Variants in MMEL1 observed in about 807,000 individuals in gnomAD.
The protein encoded by MMEL1 is membrane metalloendopeptidase like 1.
MMEL1 carries 98 observed loss-of-function variants against 117.1 expected under a neutral mutation model. The observed-to-expected ratio is 0.84, with a 90% CI of 0.71 to 0.99. The LOEUF (loss-of-function observed/expected upper bound fraction) is 0.99. Ranked by LOEUF, MMEL1 falls within the 50% of genes least tolerant of loss-of-function variation. The pLI, the probability that MMEL1 is intolerant of heterozygous loss-of-function variation, is 0.00. For synonymous variants in MMEL1, 390 were observed against 415.1 expected, an observed-to-expected ratio of 0.94 and a Z score of 0.74; for missense variants, 1,014 against 1,049.1, an observed-to-expected ratio of 0.97 and a Z score of 0.46.
chr1:2,618,478 T>G (rs1474154275), intron 2 of MMEL1, among the ~76,000 whole-genome samples: 1 of 152,230 alleles, frequency 6.6e-6, no homozygotes, highest in Non-Finnish European at 1.5e-5. Flanking sequence ...GTAAATAATT[T>G]ACATTTTTTT....
Position 2,609,384 on chromosome 1 carries a change from C to G in MMEL1, c.490G>C (p.Ala164Pro). Residue 164 changes from alanine (A) to proline (P), a missense_variant, in exon 6 of 24, where the codon GCT (alanine) becomes CCT (proline). By Grantham distance (27) the Ala-to-Pro change is conservative. Coordinates refer to ENST00000378412, the MANE Select transcript of MMEL1 (RefSeq NM_033467.4). ...LENSTAKDRPAVEKARTLYRS... is the reference protein window; with the variant it reads ...LENSTAKDRPPVEKARTLYRS... ...TACAGCGTCCTGGCCTTCTCCACAG[C>G]CGGCCGGTCCTTGGCAGTCGAATTC... 6.2e-7 allele frequency: 1 copy of G among 1,612,188 alleles called. No homozygotes were observed. Among genetic ancestry groups the G allele is most frequent in the Non-Finnish European group, 8.5e-7 (1 of 1,179,522 alleles).
intron 21 of MMEL1, 143 bp from the exon 22 acceptor site, chr1:2,592,170 C>T (rs922968552): frequency 9.0e-5 from 60 of 663,672 alleles, no homozygotes; most frequent in Middle Eastern, 4.1e-4. Context: ...ACACACCCCA[C>T]GGATGAGCGC....
chr1:2,591,652 C>T lies in MMEL1; in HGVS notation c.2164-19G>A, dbSNP rs749120662. 25 of 1,154,826 alleles carry T rather than the reference C, an allele frequency of 2.2e-5. No individual in the cohort carries two copies. The highest frequency in any genetic ancestry group is 6.4e-5 in the Admixed American group (3 of 46,704). 71.5% of individuals were successfully genotyped at this position (1,154,826 alleles called of 1,614,324 possible). A position where few individuals can be genotyped will look rare whatever the true frequency, so the allele number is the denominator to read the frequency against. On this transcript the variant is annotated intron_variant, in intron 22 of 23. Coordinates refer to ENST00000378412, the MANE Select transcript of MMEL1 (RefSeq NM_033467.4). ...ACCACACCTGTGGGCATGTTGGGGG[C>T]GTGGCTACAGGTGGCGTGGTGGGGT...
rs1024260169 is a variant in MMEL1, at chr1:2,611,266, G to A, written c.292+15C>T. On this transcript the variant is annotated intron_variant, in intron 4 of 23. Coordinates refer to ENST00000378412, the MANE Select transcript of MMEL1 (RefSeq NM_033467.4). ...CCCTTGGGCAGGCTGTGGACGGCAA[G>A]GGGGCGGGGCTTACCTGCTATCACG... 2 of 1,574,466 alleles carry A rather than the reference G, an allele frequency of 1.3e-6. No homozygotes were observed. Among genetic ancestry groups the A allele is most frequent in the Non-Finnish European group, 1.7e-6 (2 of 1,161,946 alleles).
rs1298783998 is a variant in MMEL1, at chr1:2,612,714, G to A, written c.155-510C>T. ...CCCTCACTGCTGCTGAAGGTGCCAAGCCACCCTCCCTCCATCTCTCTACTG... is the reference window on the plus strand; with the variant it reads ...CCCTCACTGCTGCTGAAGGTGCCAAACCACCCTCCCTCCATCTCTCTACTG... On this transcript the variant is annotated intron_variant, in intron 2 of 23. Transcript: ENST00000378412. The surrounding 1 kb of genome is among the most constrained non-coding windows in gnomAD (Gnocchi z 5.4). Among the ~76,000 whole-genome samples, 1 of 152,090 alleles carries A rather than the reference G, an allele frequency of 6.6e-6. No individual in the cohort carries two copies. The highest frequency in any genetic ancestry group is 2.4e-5 in the African/African-American group (1 of 41,398).
At chr1:2,624,148 G>A (rs1339004349) in intron 2 of MMEL1, among the ~76,000 whole-genome samples, 2 of 152,176 alleles carry the variant, frequency 1.3e-5, no homozygotes, top group Admixed American at 1.3e-4. Flanking sequence ...CCTCCAGCCC[G>A]AGCCTAGTAC....
Position 2,609,321 on chromosome 1 carries a change from C to T in MMEL1, c.535+18G>A. 6.2e-7 allele frequency: 1 copy of T among 1,606,126 alleles called. No homozygotes were observed. The highest frequency in any genetic ancestry group is 1.1e-5 in the South Asian group (1 of 89,810). On this transcript the variant is annotated intron_variant, in intron 6 of 23. Transcript: ENST00000378412. Reference sequence around the variant, plus strand: ...CCCCGTCCCCTGCCTCGGCCCCTTCCTGGCGGCCCCCACTCACTCTGGTTC... The same window carrying T: ...CCCCGTCCCCTGCCTCGGCCCCTTCTTGGCGGCCCCCACTCACTCTGGTTC...
At chr1:2,593,786 G>A (rs763844667) in intron 19 of MMEL1, 28 bp downstream of exon 19, 10 of 1,576,490 alleles carry the variant, frequency 6.3e-6, no homozygotes, top group African/African-American at 2.7e-5. Context: ...AGGGGAGGGC[G>A]TGTGTGATTG....
In MMEL1 at chr1:2,621,583, T is replaced by TG. The variant is rs1333515901; in HGVS notation, c.154+7747_154+7748insC. Among the ~76,000 whole-genome samples, 486 of 151,956 alleles carry TG rather than the reference T, an allele frequency of 3.2e-3. 5 individuals carry two copies. The highest frequency in any genetic ancestry group is 0.011 in the African/African-American group (469 of 41,396). On this transcript the variant is annotated intron_variant, in intron 2 of 23. Transcript: ENST00000378412. ...CTGAACCAATGCACATTTTTTTTTTTTTGTTTTGGAGATGCAGTTTCATCC... is the reference window on the plus strand; with the variant it reads ...CTGAACCAATGCACATTTTTTTTTTTGTTGTTTTGGAGATGCAGTTTCATCC...
Position 2,606,239 on chromosome 1 carries a change from G to C in MMEL1, c.750+9C>G, listed in dbSNP as rs759883569. On this transcript the variant is annotated intron_variant, in intron 8 of 23. Transcript: ENST00000378412. Reference sequence around the variant, plus strand: ...CCTGCCTACCCCTGCCCACCGGCGCGGCTCGTACGTAGATGATGTGCCGGC... The same window carrying C: ...CCTGCCTACCCCTGCCCACCGGCGCCGCTCGTACGTAGATGATGTGCCGGC... The C allele has an allele frequency of 2.0e-5, 33 of 1,610,100 alleles. No homozygotes were observed. The highest frequency in any genetic ancestry group is 2.7e-5 in the Non-Finnish European group (32 of 1,177,320).
intron 6 of MMEL1, 79 bp from the exon 7 acceptor site, chr1:2,607,148 T>C: frequency 2.3e-6 from 3 of 1,318,176 alleles, no homozygotes; most frequent in Non-Finnish European, 3.2e-6. Flanking sequence ...GGGGCGCCGT[T>C]GGCCGGCGTC....
At chr1:2,624,789 G>A (rs1004291727) in intron 2 of MMEL1, among the ~76,000 whole-genome samples, 49 of 152,190 alleles carry the variant, frequency 3.2e-4, no homozygotes, top group African/African-American at 9.7e-4. Flanking sequence ...CTGAAACTGG[G>A]TAATTTATGA....
rs376254117 is a variant in MMEL1, at chr1:2,593,784, G to T, written c.1867+30C>A. 41 of 1,575,732 alleles carry T rather than the reference G, an allele frequency of 2.6e-5. No homozygotes were observed. In the African/African-American group the frequency reaches 5.6e-4, roughly 21 times the overall value. ...GCTGCTTCTCCGCGGAGAGGGGAGG[G>T]CGTGTGTGATTGGAGGGGCGGCCGC... On this transcript the variant is annotated intron_variant, in intron 19 of 23. Transcript: ENST00000378412.
rs1570650529 is a variant in MMEL1 at position 2,594,969 on chromosome 1, T to G, written c.1585-76A>C. ...GAGCAAGGGGAGAGGTCCTGGGTGG[T>G]TGGGGAAGGACCTCAAGCCTTGCCA... On this transcript the variant is annotated intron_variant, in intron 16 of 23. Transcript: ENST00000378412. The G allele has an allele frequency of 4.6e-6, 6 of 1,292,448 alleles. No homozygotes were observed. The East Asian group carries it at 1.4e-4, about 30-fold the overall frequency. The allele number at this position is 1,292,448 out of a possible 1,614,324, so 80.1% of individuals were successfully genotyped here. A position where few individuals can be genotyped will look rare whatever the true frequency, so the allele number is the denominator to read the frequency against.
chr1:2,621,010 C>A (rs372826604), intron 2 of MMEL1, among the ~76,000 whole-genome samples: 1 of 152,132 alleles, frequency 6.6e-6, no homozygotes, highest in African/African-American at 2.4e-5. Flanking sequence ...ACATGCCAGG[C>A]GTGATGGCTC....
At chr1:2,603,750 G>A (rs527652426) in intron 11 of MMEL1, 134 bp downstream of exon 11, 368 of 745,264 alleles carry the variant, frequency 4.9e-4, no homozygotes, top group South Asian at 1.3e-3. Context: ...TCAGGTACAG[G>A]GTCTCCCTGC....
chr1:2,598,015 C>T (rs1234030364), intron 13 of MMEL1, among the ~76,000 whole-genome samples, 192 bp downstream of exon 13: 12 of 152,244 alleles, frequency 7.9e-5, no homozygotes, highest in South Asian at 2.1e-4. Flanking sequence ...TCATACTCTG[C>T]GGTTTTGGCA....
chr1:2,618,351 G>C (rs1335220468), intron 2 of MMEL1, among the ~76,000 whole-genome samples: 1 of 152,208 alleles, frequency 6.6e-6, no homozygotes, highest in Non-Finnish European at 1.5e-5. Context: ...TAGATGGGGA[G>C]CCATGCTTCC....
intron 12 of MMEL1, 46 bp from the exon 13 acceptor site, chr1:2,598,346 T>C (rs984947253): frequency 6.3e-7 from 1 of 1,580,606 alleles, no homozygotes; most frequent in African/African-American, 1.3e-5. Flanking sequence ...GTGAGAGGTC[T>C]TTGCAAGGGA....
Sources: gnomAD v4.1 joint callset for allele counts (sites outside exome capture counted in the v4.1 genomes callset) on GRCh38, gnomAD v4.1.1 for gene constraint, Gnocchi (gnomAD v3.1) non-coding constraint, MANE v1.5 for transcripts, NCBI Gene and HGNC (gene_info 2026-07-23, HGNC 2026-07-21) for gene names.